MCAM: variants seen among roughly 807,000 people sequenced by gnomAD.
MCAM encodes melanoma cell adhesion molecule, also known as cell surface glycoprotein MUC18.
Under a neutral mutation model 79.1 loss-of-function variants are expected in MCAM, and 55 were observed. The observed-to-expected ratio is 0.70, with a 90% CI of 0.56 to 0.87. MCAM has a LOEUF of 0.87. MCAM is among the 40% of genes least tolerant of loss of function. The probability of loss-of-function intolerance (pLI) is 0.00; values close to 1 mark genes in which losing one functional copy is unlikely to be tolerated. For synonymous variants in MCAM, 330 were observed against 339.8 expected, an observed-to-expected ratio of 0.97 and a Z score of 0.32; for missense variants, 745 against 839.8, an observed-to-expected ratio of 0.89 and a Z score of 1.40.
At chr11:119,313,367 T>C (rs1242869162) in intron 5 of MCAM, 17 of 1,246,736 alleles carry the variant, frequency 1.4e-5, no homozygotes, top group African/African-American at 1.6e-5. Context: ...CACCACCACT[T>C]AGACCAGGGT....
chr11:119,311,176 G>T lies in MCAM; in HGVS notation c.1559C>A (p.Thr520Asn). 1.2e-6 allele frequency: 2 copies of T among 1,614,130 alleles called. No individual in the cohort carries two copies. Among genetic ancestry groups the T allele is most frequent in the Non-Finnish European group, 1.7e-6 (2 of 1,179,966 alleles). Residue 520 changes from threonine (T) to asparagine (N), a missense_variant, in exon 13 of 16, where the codon ACC becomes AAC. Thr to Asn is a moderately conservative substitution (Grantham distance 65, BLOSUM62 0). Transcript: ENST00000264036. The surrounding 1 kb of genome is among the most constrained non-coding windows in gnomAD (Gnocchi z 4.4). ...SILFLELVNL[T>N]TLTPDSNTTT... Reference sequence around the variant, plus strand: ...TGTGTTGGAGTCTGGTGTGAGGGTGGTTAAATTGACTAGGAGGCAGAGGGA... The same window carrying T: ...TGTGTTGGAGTCTGGTGTGAGGGTGTTTAAATTGACTAGGAGGCAGAGGGA...
In MCAM at chr11:119,311,092, G is replaced by C; in HGVS notation, c.1643C>G (p.Thr548Arg). The change falls in exon 13 of 16, where the codon ACA (threonine) becomes AGA (arginine). Residue 548 changes from threonine to arginine, a missense_variant and splice_region_variant. Thr to Arg is a moderately conservative substitution (Grantham distance 71). Transcript: ENST00000264036. This position sits in a 1 kb window ranked among gnomAD's most constrained non-coding sequence, Gnocchi z 4.4. ...SPHTRANSTSTERKLPEPESR... is the reference protein window; with the variant it reads ...SPHTRANSTSRERKLPEPESR... ...TTCTCTTGCCAGGCCTGGCTTACCT[G>C]TGGAGGTGCTGTTGGCTCTGGTATG... 1 of 1,614,266 alleles carries C rather than the reference G, an allele frequency of 6.2e-7. No homozygotes were observed. The highest frequency in any genetic ancestry group is 8.5e-7 in the Non-Finnish European group (1 of 1,180,050).
At chr11:119,314,024 C>G (rs1027366375) in intron 5 of MCAM, 4 of 980,450 alleles carry the variant, frequency 4.1e-6, no homozygotes, top group Non-Finnish European at 4.9e-6. Flanking sequence ...GAGGGGGGGT[C>G]TCAGGCAAGA....
Position 119,309,669 on chromosome 11 carries a change from C to A in MCAM, c.*217G>T, listed in dbSNP as rs1297402874. On this transcript the variant is annotated 3_prime_UTR_variant, in exon 16 of 16. Coordinates refer to ENST00000264036, the MANE Select transcript of MCAM (RefSeq NM_006500.3). The stretch of plus-strand genomic sequence containing the variant: ...CTTGCTTGGGATGAGCTTCACTCAA[C>A]GTGGAGGAGATGGTGGTGGACTGGT... 4.3e-6 allele frequency: 2 copies of A among 469,010 alleles called. No homozygotes were observed. The highest frequency in any genetic ancestry group is 1.0e-4 in the Admixed American group (2 of 19,952). The allele number at this position is 469,010 out of a possible 1,614,324, so 29.1% of individuals were successfully genotyped here. A position where few individuals can be genotyped will look rare whatever the true frequency, so the allele number is the denominator to read the frequency against.
Position 119,314,672 on chromosome 11 carries a change from A to G in MCAM, c.471+7T>C. ...CAGCTGCCCAGCCCACCTGCCACACATCTCACCTCCTCAGGCTCCTTACTG... is the reference window on the plus strand; with the variant it reads ...CAGCTGCCCAGCCCACCTGCCACACGTCTCACCTCCTCAGGCTCCTTACTG... On this transcript the variant is annotated splice_region_variant and intron_variant, in intron 4 of 15. Coordinates refer to ENST00000264036, the MANE Select transcript of MCAM (RefSeq NM_006500.3). The G allele has an allele frequency of 6.2e-7, 1 of 1,613,826 alleles. No individual in the cohort carries two copies.
Position 119,312,023 on chromosome 11 carries a change from AG to A in MCAM, c.1143+28del. 6.2e-7 allele frequency: 1 copy of A among 1,604,788 alleles called. No homozygotes were observed. The highest frequency in any genetic ancestry group is 8.5e-7 in the Non-Finnish European group (1 of 1,174,798). ...CACCGCCAGCCCCACCCACCCCATC[AG>A]CCCCTTGCCCCAGACCCGCCTGGGT... On this transcript the variant is annotated intron_variant, in intron 9 of 15. Transcript: ENST00000264036. The surrounding 1 kb of genome is among the most constrained non-coding windows in gnomAD (Gnocchi z 4.9).
Position 119,311,847 on chromosome 11 carries a change from C to A in MCAM, c.1246G>T (p.Gly416Cys). 3 of 1,614,094 alleles carry A rather than the reference C, an allele frequency of 1.9e-6. No homozygotes were observed. Among genetic ancestry groups the A allele is most frequent in the Non-Finnish European group, 1.7e-6 (2 of 1,180,010 alleles). Residue 416 changes from glycine (G) to cysteine (C), a missense_variant, in exon 10 of 16, where the codon GGC becomes TGC. Gly to Cys is a radical substitution (Grantham distance 159). Coordinates refer to ENST00000264036, the MANE Select transcript of MCAM (RefSeq NM_006500.3). This position sits in a 1 kb window ranked among gnomAD's most constrained non-coding sequence, Gnocchi z 4.4. ...TTGACCAGCTGTGTGCGGTTCAGGCCGGGTATGCTGGGCACAGACGCCACG... is the reference window on the plus strand; with the variant it reads ...TTGACCAGCTGTGTGCGGTTCAGGCAGGGTATGCTGGGCACAGACGCCACG... ...RCVASVPSIP[G>C]LNRTQLVNVA... is the part of the protein sequence containing the mutation.
Position 119,312,201 on chromosome 11 carries a change from C to G in MCAM, c.1025-31G>C, listed in dbSNP as rs1478891713. 2 of 1,610,596 alleles carry G rather than the reference C, an allele frequency of 1.2e-6. No homozygotes were observed. The highest frequency in any genetic ancestry group is 8.5e-7 in the Non-Finnish European group (1 of 1,177,852). On this transcript the variant is annotated intron_variant, in intron 8 of 15. Transcript: ENST00000264036. The surrounding 1 kb of genome is among the most constrained non-coding windows in gnomAD (Gnocchi z 4.9). The stretch of plus-strand genomic sequence containing the variant: ...GGTACAGCAATCATGTCACCCAGGG[C>G]AGGGTGGGGCCAGTTCCCTATTGCC...
rs779815281 is a variant in MCAM at position 119,311,938 on chromosome 11, C to T, written c.1155G>A (p.Val385=). ...ACTGAAGCACAGGCCCCCTTTCCAG[C>T]ACCTGGCCTGTCTGGGATGAGAGAT... is the stretch of plus-strand genomic sequence containing the variant. ...FQWLREETGQ[V]LERGPVLQLH... The change falls in exon 10 of 16, where the codon GTG becomes GTA. Residue 385 remains valine, a synonymous_variant. Coordinates refer to ENST00000264036, the MANE Select transcript of MCAM (RefSeq NM_006500.3). The surrounding 1 kb of genome is among the most constrained non-coding windows in gnomAD (Gnocchi z 4.4). The T allele has an allele frequency of 8.7e-6, 14 of 1,613,756 alleles. No homozygotes were observed. The African/African-American group carries it at 1.5e-4, about 17-fold the overall frequency.
At chr11:119,314,371 G>T in intron 5 of MCAM, 118 bp downstream of exon 5, 1 of 894,732 alleles carries the variant, frequency 1.1e-6, no homozygotes, top group East Asian at 2.4e-5. Context: ...GTCCAAGGTG[G>T]TCCTGAACTC....
Position 119,316,836 on chromosome 11 carries a change from A to C in MCAM, c.67+199T>G. ...CCGCCTTCCGAGTGCTGCTCCCGGG[A>C]TACTCTAGAATCCCGGCTGCAAACT... On this transcript the variant is annotated intron_variant, in intron 1 of 15. Transcript: ENST00000264036. The surrounding 1 kb of genome is among the most constrained non-coding windows in gnomAD (Gnocchi z 4.8). The C allele has an allele frequency of 1.9e-6, 1 of 527,790 alleles. No individual in the cohort carries two copies. The highest frequency in any genetic ancestry group is 3.3e-6 in the Non-Finnish European group (1 of 298,676). 32.7% of individuals were successfully genotyped at this position (527,790 alleles called of 1,614,324 possible).
Position 119,310,828 on chromosome 11 carries a change from AC to A in MCAM, c.1720del (p.Val574CysfsTer36), listed in dbSNP as rs759052001. On this transcript the variant is annotated frameshift_variant, in exon 14 of 16. Coordinates refer to ENST00000264036, the MANE Select transcript of MCAM (RefSeq NM_006500.3). LOFTEE classifies it high-confidence loss of function. ...GAGGAAATAGAGGACAGCGCCCAGC[AC>A]CGCCAGGACCAGGATGCACACAATC... ...AVIVCILVLA[V>X]LGAVLYFLYK... 5 of 1,614,158 alleles carry A rather than the reference AC, an allele frequency of 3.1e-6. No individual in the cohort carries two copies. In the South Asian group the frequency reaches 5.5e-5, roughly 18 times the overall value.
In MCAM at chr11:119,309,307, G is replaced by A. The variant is rs1398924762; in HGVS notation, c.*579C>T. On this transcript the variant is annotated 3_prime_UTR_variant, in exon 16 of 16. Transcript: ENST00000264036. The stretch of plus-strand genomic sequence containing the variant: ...CTTTTAAGGAATGACACCAGTTCCT[G>A]GCTTCTGACCAAAGAAAAAATGTCA... The A allele has an allele frequency of 6.5e-6, 1 of 154,004 alleles. No individual in the cohort carries two copies. The highest frequency in any genetic ancestry group is 1.4e-5 in the Non-Finnish European group (1 of 69,138). The allele number at this position is 154,004 out of a possible 1,614,324, so 9.5% of individuals were successfully genotyped here.
chr11:119,314,527 C>A lies in MCAM; in HGVS notation c.521G>T (p.Trp174Leu). The A allele has an allele frequency of 6.2e-7, 1 of 1,613,886 alleles. No homozygotes were observed. The highest frequency in any genetic ancestry group is 8.5e-7 in the Non-Finnish European group (1 of 1,179,998). ...CTTCAGAGGCCGGCCATTCTTGTAC[C>A]AGATGACTTGAGGAATGGGGTACCC... ...RNGYPIPQVI[W>L]YKNGRPLKEE... Residue 174 changes from tryptophan to leucine, a missense_variant, in exon 5 of 16, where the codon TGG becomes TTG. Physicochemically the swap from Trp to Leu is moderately conservative, Grantham distance 61. Transcript: ENST00000264036.
At position 119,308,886 on chromosome 11, in the gene MCAM, A is replaced by G. The variant is rs1314716331; in HGVS notation, c.*1000T>C. ...TTTTACGTGATCCATCAAGAGGGCT[A>G]TGGGAGCCAAGTGAACACGGGGGAT... On this transcript the variant is annotated 3_prime_UTR_variant, in exon 16 of 16. Coordinates refer to ENST00000264036, the MANE Select transcript of MCAM (RefSeq NM_006500.3). The G allele has an allele frequency of 1.3e-5, 2 of 152,234 alleles. No homozygotes were observed. The highest frequency in any genetic ancestry group is 4.8e-5 in the African/African-American group (2 of 41,458). 9.4% of individuals were successfully genotyped at this position (152,234 alleles called of 1,614,324 possible). A position where few individuals can be genotyped will look rare whatever the true frequency, so the allele number is the denominator to read the frequency against.
chr11:119,310,081 C>G (rs187723389), intron 15 of MCAM, 166 bp from the exon 16 acceptor site: 2 of 665,450 alleles, frequency 3.0e-6, no homozygotes, highest in Non-Finnish European at 5.3e-6. Flanking sequence ...GGGCGGCCCC[C>G]GTCTGACTGC....
chr11:119,311,424 G>A lies in MCAM; in HGVS notation c.1408-3C>T. On this transcript the variant is annotated splice_region_variant and splice_polypyrimidine_tract_variant and intron_variant, in intron 11 of 15. Transcript: ENST00000264036. The surrounding 1 kb of genome is among the most constrained non-coding windows in gnomAD (Gnocchi z 4.4). ...GGATCTTGGTCTTGTTCACTTGCCT[G>A]CGAGGAAAGGAAGGAGGCAGCTCAG... 3 of 1,614,076 alleles carry A rather than the reference G, an allele frequency of 1.9e-6. No homozygotes were observed. Among genetic ancestry groups the A allele is most frequent in the Non-Finnish European group, 2.5e-6 (3 of 1,179,964 alleles).
Position 119,317,016 on chromosome 11 carries a change from C to G in MCAM, c.67+19G>C, listed in dbSNP as rs959100967. 1.3e-6 allele frequency: 2 copies of G among 1,528,406 alleles called. No individual in the cohort carries two copies. Among genetic ancestry groups the G allele is most frequent in the Admixed American group, 3.9e-5 (2 of 50,688 alleles). 94.7% of individuals were successfully genotyped at this position (1,528,406 alleles called of 1,614,324 possible). ...GCAGACCCCTAGCCGGGGCGCGGCCCCCCTGCGAGCGAACTCACCCGCGAC... is the reference window on the plus strand; with the variant it reads ...GCAGACCCCTAGCCGGGGCGCGGCCGCCCTGCGAGCGAACTCACCCGCGAC... On this transcript the variant is annotated intron_variant, in intron 1 of 15. Transcript: ENST00000264036. This position sits in a 1 kb window ranked among gnomAD's most constrained non-coding sequence, Gnocchi z 6.2.
In MCAM at chr11:119,314,990, G is replaced by A. The variant is rs1411377969; in HGVS notation, c.243C>T (p.Gly81=). The A allele has an allele frequency of 6.2e-7, 1 of 1,609,890 alleles. No individual in the cohort carries two copies. Among genetic ancestry groups the A allele is most frequent in the Non-Finnish European group, 8.5e-7 (1 of 1,179,800 alleles). The change falls in exon 3 of 16, where the codon GGC becomes GGT. Residue 81 remains glycine (G), a synonymous_variant. Transcript: ENST00000264036. ...TLIFRVRQGQ[G]QSEPGEYEQR... is the part of the protein sequence containing the mutation. Reference sequence around the variant, plus strand: ...GCTCGTACTCCCCAGGTTCGCTCTGGCCCTGGCCCTGGCGCACACGGAAGA... The same window carrying A: ...GCTCGTACTCCCCAGGTTCGCTCTGACCCTGGCCCTGGCGCACACGGAAGA...
Sources: gnomAD v4.1 joint callset for allele counts on GRCh38, gnomAD v4.1.1 for gene constraint, Gnocchi (gnomAD v3.1) non-coding constraint, MANE v1.5 for transcripts, NCBI Gene and HGNC (gene_info 2026-07-23, HGNC 2026-07-21) for gene names.